The following KLRG1 variants were observed in gnomAD, a reference collection of about 807,000 sequenced individuals.
KLRG1 encodes killer cell lectin like receptor G1, also known as killer cell lectin-like receptor subfamily G member 1.
In KLRG1, 16 loss-of-function variants were observed where a neutral mutation model predicts 21.8. The observed-to-expected ratio is 0.73, with a 90% CI of 0.50 to 1.11. KLRG1 has a LOEUF of 1.11. KLRG1 is among the 50% of genes most tolerant of loss of function. The pLI is 0.00. For synonymous variants in KLRG1, 69 were observed against 75.9 expected (o/e 0.91, Z 0.47); for missense variants, 173 against 218.3 (o/e 0.79, Z 1.31).
the KLRG1 span, among the ~76,000 whole-genome samples, chr12:9,211,283 C>T: frequency 2.6e-5 from 4 of 151,992 alleles, no homozygotes; most frequent in African/African-American, 7.2e-5. Flanking sequence ...ATACTTTCTT[C>T]ACTCTTCTTT....
At chr12:9,162,576 A>T in the KLRG1 span, 1 of 1,539,534 alleles carries the variant, frequency 6.5e-7, no homozygotes. Context: ...TCTCACTATG[A>T]TTATGAAGAT....
At chr12:9,068,919 T>G in the KLRG1 span, 1 of 1,036,466 alleles carries the variant, frequency 9.6e-7, no homozygotes, top group Non-Finnish European at 1.4e-6. Context: ...TATTCACCTG[T>G]TTTTTGGGGG....
At chr12:9,199,296 G>A in the KLRG1 span, among the ~76,000 whole-genome samples, 1 of 152,012 alleles carries the variant, frequency 6.6e-6, no homozygotes, top group South Asian at 2.1e-4. Context: ...TGATCTTTAG[G>A]TTTCTCTGTC....
At chr12:9,068,982 G>A in the KLRG1 span, 2 of 550,652 alleles carry the variant, frequency 3.6e-6, no homozygotes, top group East Asian at 5.8e-5. Context: ...AAATTGTGCA[G>A]AAATCTCTCA....
chr12:8,991,994 G>A, intron 1 of KLRG1: 1 of 438,946 alleles, frequency 2.3e-6, no homozygotes, highest in South Asian at 3.4e-5. Context: ...TCTTTATCTT[G>A]ATAAATATAG....
chr12:9,040,527 C>T, the KLRG1 span, among the ~76,000 whole-genome samples: 2 of 152,210 alleles, frequency 1.3e-5, no homozygotes, highest in Admixed American at 6.5e-5. Flanking sequence ...TGTCAGCTAG[C>T]TTTTCTGTCC....
At chr12:9,071,031 G>T in the KLRG1 span, among the ~76,000 whole-genome samples, 1 of 151,956 alleles carries the variant, frequency 6.6e-6, no homozygotes, top group African/African-American at 2.4e-5. Context: ...TGTTGGTCAG[G>T]CTGGTCTTGA....
the KLRG1 span, among the ~76,000 whole-genome samples, chr12:9,050,559 G>C: frequency 6.6e-6 from 1 of 152,174 alleles, no homozygotes; most frequent in East Asian, 1.9e-4. Context: ...CAGGAGCCCC[G>C]TCCTCCTGGG....
chr12:9,107,398 T>C, the KLRG1 span: 2 of 1,199,236 alleles, frequency 1.7e-6, no homozygotes, highest in African/African-American at 3.1e-5. Flanking sequence ...TTTTGAAAAA[T>C]TACAATAGCC....
At chr12:9,149,702 C>A in the KLRG1 span, 1 of 1,112,188 alleles carries the variant, frequency 9.0e-7, no homozygotes, top group South Asian at 1.7e-5. Context: ...AAAGCACGCC[C>A]TATCAGAATT....
chr12:9,176,870 A>G, the KLRG1 span, among the ~76,000 whole-genome samples: 1 of 152,208 alleles, frequency 6.6e-6, no homozygotes, highest in African/African-American at 2.4e-5. Flanking sequence ...ATGTCTTTGT[A>G]TCTAGAGGTA....
chr12:9,126,939 G>A, the KLRG1 span, among the ~76,000 whole-genome samples: 3 of 152,124 alleles, frequency 2.0e-5, no homozygotes, highest in Admixed American at 6.5e-5. Context: ...AACACAAGAG[G>A]GAAAATACAG....
At chr12:9,110,343 CA>C in the KLRG1 span, 9 of 1,410,364 alleles carry the variant, frequency 6.4e-6, no homozygotes, top group African/African-American at 1.3e-4. Flanking sequence ...ATCTGAAAGA[CA>C]AAAGAAAAAA....
the KLRG1 span, among the ~76,000 whole-genome samples, chr12:9,163,346 G>A: frequency 4.0e-5 from 6 of 151,538 alleles, no homozygotes; most frequent in Admixed American, 1.3e-4. Context: ...CCAGCTACTC[G>A]GGAGGCTGAG....
At chr12:9,152,724 A>T in the KLRG1 span, 1 of 1,261,688 alleles carries the variant, frequency 7.9e-7, no homozygotes, top group East Asian at 2.4e-5. Flanking sequence ...ATTCTAAATT[A>T]TATTAATCTA....
At chr12:9,209,463 A>G in the KLRG1 span, among the ~76,000 whole-genome samples, 765 of 152,242 alleles carry the variant, frequency 5.0e-3, 5 homozygotes, top group South Asian at 0.029. Context: ...ATAGAGAGCA[A>G]GATAAAAGAC....
chr12:9,068,168 G>A, the KLRG1 span: 90 of 1,611,684 alleles, frequency 5.6e-5, 1 homozygote, highest in South Asian at 7.9e-4. Flanking sequence ...TTTTGGAGGA[G>A]TGTGAGTGGC....
At chr12:9,202,255 A>T in the KLRG1 span, 1 of 1,380,178 alleles carries the variant, frequency 7.2e-7, no homozygotes, top group Non-Finnish European at 1.0e-6. Flanking sequence ...GTACCTTTCT[A>T]CCTCACTCTG....
the KLRG1 span, chr12:9,153,477 T>G: frequency 3.2e-4 from 200 of 624,688 alleles, no homozygotes; most frequent in Non-Finnish European, 4.9e-4. Context: ...CTAATTACCT[T>G]TCCTTTTTCT....
Sources: gnomAD v4.1 joint callset for allele counts (sites outside exome capture counted in the v4.1 genomes callset) on GRCh38, gnomAD v4.1.1 for gene constraint, MANE v1.5 for transcripts, NCBI Gene and HGNC (gene_info 2026-07-23, HGNC 2026-07-21) for gene names.